The following ATP10A variants were observed in gnomAD, a reference collection of about 807,000 sequenced individuals.
ATP10A encodes ATPase phospholipid transporting 10A (putative).
Under a neutral mutation model 147.8 loss-of-function variants are expected in ATP10A, and 111 were observed. The ratio of observed to expected loss-of-function variants is 0.75; its 90% confidence interval spans 0.64 to 0.88. The LOEUF (loss-of-function observed/expected upper bound fraction) is 0.88. Among genes scored for constraint, ATP10A ranks in the 40% least tolerant of loss-of-function variants. ATP10A has a pLI of 0.00. For missense variants in ATP10A, 1,927 were observed against 1,959.0 expected, an observed-to-expected ratio of 0.98 and a Z score of 0.31; for synonymous variants, 875 against 841.6, an observed-to-expected ratio of 1.04 and a Z score of -0.69.
At chr15:25,758,847 AT>A in intron 2 of ATP10A, among the ~76,000 whole-genome samples, 1 of 107,320 alleles carries the variant, frequency 9.3e-6, no homozygotes, top group Non-Finnish European at 1.8e-5. Context: ...ACTCATTCCG[AT>A]CACCTGCTCC....
chr15:25,823,331 A>C (rs1015566841), intron 1 of ATP10A, among the ~76,000 whole-genome samples: 1 of 152,248 alleles, frequency 6.6e-6, no homozygotes, highest in African/African-American at 2.4e-5. Context: ...GAATATTCAC[A>C]CACAACCTCA....
chr15:25,701,943 C>A lies in ATP10A; in HGVS notation c.2733G>T (p.Glu911Asp), dbSNP rs759115827. Reference sequence around the variant, plus strand: ...GGGAGGTGGCATTCAGGGTGATGACCTCCTCGTCGTGGTCCAGCAGTTTGC... The same window carrying A: ...GGGAGGTGGCATTCAGGGTGATGACATCCTCGTCGTGGTCCAGCAGTTTGC... ...YACKLLDHDE[E>D]VITLNATSQE... Residue 911 changes from glutamate (E) to aspartate (D), a missense_variant, in exon 13 of 21, where the codon GAG becomes GAT. Coordinates refer to ENST00000555815, the MANE Select transcript of ATP10A (RefSeq NM_024490.4). 1.9e-6 allele frequency: 3 copies of A among 1,610,918 alleles called. No individual in the cohort carries two copies. Among genetic ancestry groups the A allele is most frequent in the Non-Finnish European group, 2.5e-6 (3 of 1,178,428 alleles).
intron 1 of ATP10A, among the ~76,000 whole-genome samples, chr15:25,851,642 G>T (rs966798201): frequency 6.6e-6 from 1 of 152,184 alleles, no homozygotes; most frequent in African/African-American, 2.4e-5. Flanking sequence ...GATCCTTAGT[G>T]GTCCTCAAAA....
chr15:25,790,283 A>G (rs184305853), intron 1 of ATP10A, among the ~76,000 whole-genome samples: 71 of 152,322 alleles, frequency 4.7e-4, no homozygotes, highest in Admixed American at 1.8e-3. Flanking sequence ...AGTGTAGACT[A>G]GATGCACAAA....
chr15:25,722,338 G>C (rs961506217), intron 6 of ATP10A, among the ~76,000 whole-genome samples: 10 of 152,208 alleles, frequency 6.6e-5, no homozygotes, highest in Admixed American at 2.0e-4. Context: ...ATTTCCCAGG[G>C]ATACAACCCC....
At chr15:25,848,149 TA>T (rs1893112581) in intron 1 of ATP10A, among the ~76,000 whole-genome samples, 1 of 151,426 alleles carries the variant, frequency 6.6e-6, no homozygotes, top group African/African-American at 2.4e-5. Flanking sequence ...TAATCATCTG[TA>T]AAATGAGGAT....
At chr15:25,817,007 T>G (rs1891687214) in intron 1 of ATP10A, among the ~76,000 whole-genome samples, 1 of 152,236 alleles carries the variant, frequency 6.6e-6, no homozygotes, top group East Asian at 1.9e-4. Context: ...TTTTACAATT[T>G]AGCTAGTCTA....
intron 11 of ATP10A, 45 bp from the exon 12 acceptor site, chr15:25,708,147 T>G: frequency 1.9e-6 from 3 of 1,613,320 alleles, no homozygotes; most frequent in Non-Finnish European, 2.5e-6. Flanking sequence ...CGCTGCTCAC[T>G]GTGGGGCGGC....
Position 25,681,039 on chromosome 15 carries a change from G to A in ATP10A, c.3528C>T (p.Ala1176=), listed in dbSNP as rs2076743. 1,004,084 of 1,610,994 alleles carry A rather than the reference G, an allele frequency of 0.62. 315,461 individuals carry two copies. Among genetic ancestry groups the A allele is most frequent in the African/African-American group, 0.8 (60,256 of 74,870 alleles). ...AAACCAGGCTCTGGAAGGCGGCGTC[G>A]GCCATGTTAAACCAGAACGTTCGTG... is the stretch of plus-strand genomic sequence containing the variant. ...YRPRTFWFNM[A]DAAFQSLVCF... The change falls in exon 18 of 21, where the codon GCC becomes GCT. Residue 1176 remains alanine, a synonymous_variant. Coordinates refer to ENST00000555815, the MANE Select transcript of ATP10A (RefSeq NM_024490.4).
intron 2 of ATP10A, among the ~76,000 whole-genome samples, chr15:25,747,509 AG>A (rs1415803666): frequency 1.3e-5 from 2 of 151,944 alleles, no homozygotes; most frequent in Non-Finnish European, 2.9e-5. Flanking sequence ...AGACAAATCT[AG>A]GAAAAAAGTA....
chr15:25,691,269 A>G (rs1203358211), intron 15 of ATP10A, among the ~76,000 whole-genome samples: 1 of 152,220 alleles, frequency 6.6e-6, no homozygotes, highest in Non-Finnish European at 1.5e-5. Flanking sequence ...GGAAAGATGC[A>G]GAGGTGAACT....
intron 2 of ATP10A, among the ~76,000 whole-genome samples, chr15:25,771,956 G>T (rs888268465): frequency 6.6e-6 from 1 of 151,726 alleles, no homozygotes; most frequent in African/African-American, 2.4e-5. Flanking sequence ...TTCACCATGT[G>T]GGCCAGGCTG....
intron 1 of ATP10A, among the ~76,000 whole-genome samples, chr15:25,852,655 T>C (rs1248053766): frequency 6.6e-6 from 1 of 152,180 alleles, no homozygotes; most frequent in Non-Finnish European, 1.5e-5. Context: ...GAAGAAAAAC[T>C]GAAGTCTGTC....
At chr15:25,812,638 A>G (rs1891482014) in intron 1 of ATP10A, among the ~76,000 whole-genome samples, 1 of 152,160 alleles carries the variant, frequency 6.6e-6, no homozygotes, top group Non-Finnish European at 1.5e-5. Flanking sequence ...AAATTAAAAC[A>G]AGCTATTTTT....
intron 3 of ATP10A, among the ~76,000 whole-genome samples, chr15:25,732,208 T>A (rs1442520380): frequency 1.3e-5 from 2 of 152,148 alleles, no homozygotes; most frequent in Non-Finnish European, 2.9e-5. Context: ...GTTGTAAAAC[T>A]ACCACCACCA....
In ATP10A at chr15:25,713,989, A is replaced by G; in HGVS notation, c.2029T>C (p.Trp677Arg). ...SNGYSSQADN[W>R]ASELAQEQES... ...TGCTCCTGAGCAAGCTCCGAGGCCCAGTTGTCCGCCTGGCTGCTGTAGCCG... is the reference window on the plus strand; with the variant it reads ...TGCTCCTGAGCAAGCTCCGAGGCCCGGTTGTCCGCCTGGCTGCTGTAGCCG... The change falls in exon 10 of 21, where the codon TGG becomes CGG. Residue 677 changes from tryptophan (W) to arginine (R), a missense_variant. Trp to Arg is a moderately radical substitution (Grantham distance 101). Transcript: ENST00000555815. The G allele has an allele frequency of 1.9e-6, 3 of 1,609,858 alleles. No homozygotes were observed. The highest frequency in any genetic ancestry group is 2.5e-6 in the Non-Finnish European group (3 of 1,179,922).
In ATP10A at chr15:25,692,997, C is replaced by T. The variant is rs114388591; in HGVS notation, c.3089-1206G>A. 2.0e-3 allele frequency among the ~76,000 whole-genome samples: 299 copies of T among 151,654 alleles called. 2 individuals carry two copies. Among genetic ancestry groups the T allele is most frequent in the Middle Eastern group, 6.8e-3 (2 of 292 alleles). The stretch of plus-strand genomic sequence containing the variant: ...TGCATTTTTAGTACAGATGGGGTTT[C>T]GCCCACCATGTTGCCCCAGCAGTTT... On this transcript the variant is annotated intron_variant, in intron 14 of 20. Coordinates refer to ENST00000555815, the MANE Select transcript of ATP10A (RefSeq NM_024490.4).
chr15:25,754,396 G>A (rs943542536), intron 2 of ATP10A, among the ~76,000 whole-genome samples: 1 of 152,186 alleles, frequency 6.6e-6, no homozygotes, highest in African/African-American at 2.4e-5. Flanking sequence ...GGCCTCAAAA[G>A]TTCTGGGATT....
chr15:25,716,948 T>A, intron 8 of ATP10A, 24 bp from the exon 9 acceptor site: 1 of 1,538,658 alleles, frequency 6.5e-7, no homozygotes, highest in Non-Finnish European at 8.8e-7. Flanking sequence ...AGGCTGGCAG[T>A]GAGTCCCACC....
Sources: allele counts gnomAD v4.1 joint callset (sites outside exome capture counted in the v4.1 genomes callset), GRCh38; gene constraint gnomAD v4.1.1; transcripts MANE v1.5; gene names NCBI Gene and HGNC (gene_info 2026-07-23, HGNC 2026-07-21).